BTRC: variants seen among roughly 807,000 people sequenced by gnomAD.
The protein encoded by BTRC is beta-transducin repeat containing E3 ubiquitin protein ligase.
Under a neutral mutation model 85.5 loss-of-function variants are expected in BTRC, and 42 were observed. The ratio of observed to expected loss-of-function variants is 0.49; its 90% CI spans 0.38 to 0.64. The LOEUF (loss-of-function observed/expected upper bound fraction) is 0.64, where lower values mean the gene tolerates loss of function less well. Ranked by LOEUF, BTRC falls within the 30% of genes least tolerant of loss-of-function variation. The pLI is 0.00. For missense variants in BTRC, 594 were observed against 743.5 expected (o/e 0.80, Z 2.34); for synonymous variants, 255 against 263.3 (o/e 0.97, Z 0.30).
chr10:101,360,094 A>G (rs1192048992), intron 1 of BTRC, among the ~76,000 whole-genome samples: 3 of 151,636 alleles, frequency 2.0e-5, no homozygotes, highest in Non-Finnish European at 4.4e-5. Flanking sequence ...TCACTCTGTC[A>G]CCCAGGCTGG....
At chr10:101,436,180 A>G (rs1314618185) in intron 2 of BTRC, among the ~76,000 whole-genome samples, 1 of 152,232 alleles carries the variant, frequency 6.6e-6, no homozygotes, top group Non-Finnish European at 1.5e-5. Context: ...ACCAGTAGAT[A>G]TATTTGATGG....
At chr10:101,483,853 AT>A (rs1173178115) in intron 4 of BTRC, among the ~76,000 whole-genome samples, 6 of 152,040 alleles carry the variant, frequency 3.9e-5, no homozygotes, top group Non-Finnish European at 7.4e-5. Context: ...AACCTTCATG[AT>A]TTTTTTTAAT....
At chr10:101,451,766 T>C (rs1285579657) in intron 2 of BTRC, among the ~76,000 whole-genome samples, 1 of 152,138 alleles carries the variant, frequency 6.6e-6, no homozygotes, top group Non-Finnish European at 1.5e-5. Flanking sequence ...TTAAATCGTG[T>C]TGAAAATTTG....
intron 5 of BTRC, among the ~76,000 whole-genome samples, chr10:101,522,223 G>T (rs1319707859): frequency 1.4e-5 from 2 of 145,512 alleles, no homozygotes; most frequent in Admixed American, 6.9e-5. Flanking sequence ...TGTATTTTTA[G>T]TAGAGATGGG....
chr10:101,442,523 A>G (rs1158645207), intron 2 of BTRC, among the ~76,000 whole-genome samples: 1 of 152,154 alleles, frequency 6.6e-6, no homozygotes, highest in Non-Finnish European at 1.5e-5. Flanking sequence ...TTGAAAAGGA[A>G]AGAATGTGAT....
chr10:101,494,387 C>T (rs897739414), intron 4 of BTRC, among the ~76,000 whole-genome samples: 1 of 152,156 alleles, frequency 6.6e-6, no homozygotes, highest in African/African-American at 2.4e-5. Context: ...GCAACCATTT[C>T]TCTAGGAAAT....
intron 1 of BTRC, among the ~76,000 whole-genome samples, chr10:101,393,504 A>T (rs1943288476): frequency 6.6e-6 from 1 of 152,216 alleles, no homozygotes. Flanking sequence ...AAGTCATAGC[A>T]GTTAACAAGA....
At chr10:101,443,238 T>G (rs1368573711) in intron 2 of BTRC, among the ~76,000 whole-genome samples, 2 of 152,154 alleles carry the variant, frequency 1.3e-5, no homozygotes, top group African/African-American at 2.4e-5. Context: ...TGGGCAAGTT[T>G]TAAACCCTCC....
At chr10:101,362,814 A>C (rs1942251543) in intron 1 of BTRC, among the ~76,000 whole-genome samples, 1 of 152,230 alleles carries the variant, frequency 6.6e-6, no homozygotes, top group Non-Finnish European at 1.5e-5. Flanking sequence ...GAAAATATTC[A>C]GAAAAAGAGA....
At position 101,553,215 on chromosome 10, in the gene BTRC, A is replaced by G. The variant is rs1464099440; in HGVS notation, c.*92A>G. On this transcript the variant is annotated 3_prime_UTR_variant, in exon 15 of 15. Coordinates refer to ENST00000370187, the MANE Select transcript of BTRC (RefSeq NM_033637.4). Reference sequence around the variant, plus strand: ...AATACCAGGATGAGCAACAACAGTAACAATCAAACTACTGCCCAGTTTCCC... The same window carrying G: ...AATACCAGGATGAGCAACAACAGTAGCAATCAAACTACTGCCCAGTTTCCC... The G allele has an allele frequency of 6.5e-6, 1 of 152,682 alleles. No individual in the cohort carries two copies. Among genetic ancestry groups the G allele is most frequent in the Admixed American group, 6.5e-5 (1 of 15,278 alleles). The allele number at this position is 152,682 out of a possible 1,614,324, so 9.5% of individuals were successfully genotyped here. A position where few individuals can be genotyped will look rare whatever the true frequency, so the allele number is the denominator to read the frequency against.
intron 4 of BTRC, among the ~76,000 whole-genome samples, chr10:101,499,739 G>A (rs9420837): frequency 0.37 from 55,700 of 150,144 alleles, 11,537 homozygotes; most frequent in Middle Eastern, 0.49. Context: ...GTAGGCCTAC[G>A]AGATTGCTCA....
In BTRC at chr10:101,366,984, TTA is replaced by T. The variant is rs1159970128; in HGVS notation, c.48+12764_48+12765del. 5.4e-4 allele frequency among the ~76,000 whole-genome samples: 34 copies of T among 63,468 alleles called. 4 individuals carry two copies. In the South Asian group the frequency reaches 0.01, roughly 19 times the overall value. The allele number at this position is 63,468 out of a possible 152,430, so 41.6% of individuals were successfully genotyped here. A position where few individuals can be genotyped will look rare whatever the true frequency, so the allele number is the denominator to read the frequency against. On this transcript the variant is annotated intron_variant, in intron 1 of 14. Transcript: ENST00000370187. The stretch of plus-strand genomic sequence containing the variant: ...TTTATATAAATATATATTTATATAT[TTA>T]TATATATTAATATATATATTTATAT...
chr10:101,354,656 C>A, intron 1 of BTRC: 1 of 215,322 alleles, frequency 4.6e-6, no homozygotes, highest in South Asian at 7.9e-5. Context: ...GAAGGGAGCG[C>A]GGGATAGAGT....
chr10:101,413,097 A>C (rs1943827091), intron 1 of BTRC, among the ~76,000 whole-genome samples: 1 of 152,104 alleles, frequency 6.6e-6, no homozygotes, highest in Admixed American at 6.6e-5. Flanking sequence ...TATTAACATA[A>C]ATGAGGGAAG....
chr10:101,472,357 G>A (rs777636294), intron 3 of BTRC, among the ~76,000 whole-genome samples: 2 of 114,410 alleles, frequency 1.7e-5, no homozygotes, highest in South Asian at 3.3e-4. Context: ...TGGTAGAGAT[G>A]GGGTCTCTCC....
At chr10:101,448,096 G>A (rs917029555) in intron 2 of BTRC, among the ~76,000 whole-genome samples, 2 of 152,096 alleles carry the variant, frequency 1.3e-5, no homozygotes, top group Admixed American at 1.3e-4. Context: ...TGTCAGAAAT[G>A]CACAAAATTC....
At chr10:101,398,401 C>G (rs1943416792) in intron 1 of BTRC, among the ~76,000 whole-genome samples, 1 of 151,900 alleles carries the variant, frequency 6.6e-6, no homozygotes, top group African/African-American at 2.4e-5. Flanking sequence ...CTTCCGGGTT[C>G]ACACCATTCT....
At chr10:101,499,272 G>T (rs543695302) in intron 4 of BTRC, among the ~76,000 whole-genome samples, 1 of 151,828 alleles carries the variant, frequency 6.6e-6, no homozygotes, top group African/African-American at 2.4e-5. Flanking sequence ...CAGGAGTCTC[G>T]TTCTGTCGGG....
At chr10:101,365,500 A>C (rs1942345291) in intron 1 of BTRC, among the ~76,000 whole-genome samples, 1 of 150,210 alleles carries the variant, frequency 6.7e-6, no homozygotes, top group African/African-American at 2.5e-5. Flanking sequence ...TTTGAGACGA[A>C]GTTTCGCTCT....
Sources: gnomAD v4.1 joint callset for allele counts (sites outside exome capture counted in the v4.1 genomes callset) on GRCh38, gnomAD v4.1.1 for gene constraint, MANE v1.5 for transcripts, NCBI Gene and HGNC (gene_info 2026-07-23, HGNC 2026-07-21) for gene names.